DDAH1: variants seen among roughly 807,000 people sequenced by gnomAD.
The protein encoded by DDAH1 is dimethylarginine dimethylaminohydrolase 1, also known as N(G),N(G)-dimethylarginine dimethylaminohydrolase 1.
A neutral mutation model predicts 28.8 loss-of-function variants in DDAH1; 19 were observed. The observed-to-expected ratio is 0.66, with a 90% CI of 0.46 to 0.97. DDAH1 has a LOEUF of 0.97. Among genes scored for constraint, DDAH1 ranks in the 50% least tolerant of loss-of-function variants. The pLI is 0.00. For missense variants in DDAH1, 326 were observed against 375.9 expected (o/e 0.87, Z 1.10); for synonymous variants, 153 against 154.4 (o/e 0.99, Z 0.07).
chr1:85,391,784 T>C (rs141371369), intron 1 of DDAH1, among the ~76,000 whole-genome samples: 1 of 152,280 alleles, frequency 6.6e-6, no homozygotes, highest in East Asian at 1.9e-4. Flanking sequence ...AAAAACAGTT[T>C]CCAAAAAACT....
chr1:85,480,770 T>A (rs996534402), intron 2 of DDAH1, among the ~76,000 whole-genome samples: 3 of 151,800 alleles, frequency 2.0e-5, no homozygotes, highest in East Asian at 1.9e-4. Flanking sequence ...ATTAATTAAT[T>A]AATAATTAAA....
intron 2 of DDAH1, among the ~76,000 whole-genome samples, chr1:85,487,365 T>C (rs1263788107): frequency 2.6e-5 from 4 of 152,220 alleles, no homozygotes; most frequent in Non-Finnish European, 5.9e-5. Flanking sequence ...TTGCCTACAC[T>C]GTCATGGGAG....
intron 1 of DDAH1, among the ~76,000 whole-genome samples, chr1:85,450,494 A>T (rs956724995): frequency 6.6e-6 from 1 of 152,180 alleles, no homozygotes. Flanking sequence ...GGTCAAATCT[A>T]GTCAATCCGA....
intron 2 of DDAH1, among the ~76,000 whole-genome samples, chr1:85,471,552 G>A (rs1048814920): frequency 3.9e-5 from 6 of 152,196 alleles, no homozygotes; most frequent in African/African-American, 1.4e-4. Flanking sequence ...AGGCTGAAAT[G>A]TGACAGCATA....
intron 4 of DDAH1, among the ~76,000 whole-genome samples, chr1:85,336,072 G>A (rs1231901996): frequency 6.6e-6 from 1 of 151,790 alleles, no homozygotes; most frequent in African/African-American, 2.4e-5. Context: ...TAATAGCTAG[G>A]GACTTCAACA....
chr1:85,355,625 A>G (rs1557513023), intron 2 of DDAH1, among the ~76,000 whole-genome samples: 1 of 152,156 alleles, frequency 6.6e-6, no homozygotes, highest in Non-Finnish European at 1.5e-5. Flanking sequence ...AGTTTACTCT[A>G]TCACCTGAAA....
rs373617010 is a variant in DDAH1 at position 85,351,588 on chromosome 1, G to A, written c.404-9C>T. On this transcript the variant is annotated splice_polypyrimidine_tract_variant and intron_variant, in intron 2 of 5. Transcript: ENST00000284031. ...CACAAAAAATTCTCTGCCTGTAATA[G>A]ATGTCATGGAACATAGTGAGCAGGT... is the stretch of plus-strand genomic sequence containing the variant. The A allele has an allele frequency of 1.7e-5, 28 of 1,610,978 alleles. No homozygotes were observed. In the African/African-American group the frequency reaches 3.3e-4, roughly 19 times the overall value.
rs114799457 is a variant in DDAH1, at chr1:85,473,566, A to G, written c.-7+22600T>C. ...TGAAATGAAGTTGCTTCATTTTCTT[A>G]CGAAGCACAGAGAAATGCCAGTTTC... On this transcript the variant is annotated intron_variant, in intron 2 of 6. Transcript: ENST00000426972. Among the ~76,000 whole-genome samples, 840 of 151,806 alleles carry G rather than the reference A, an allele frequency of 5.5e-3. 6 individuals carry two copies. Among genetic ancestry groups the G allele is most frequent in the African/African-American group, 0.019 (807 of 41,500 alleles).
At chr1:85,323,578 A>G (rs560650146) in intron 5 of DDAH1, among the ~76,000 whole-genome samples, 1 of 152,278 alleles carries the variant, frequency 6.6e-6, no homozygotes, top group Admixed American at 6.5e-5. Flanking sequence ...TACCTGCTCT[A>G]TCTTTTCAAT....
At chr1:85,372,675 A>G (rs1461571336) in intron 1 of DDAH1, among the ~76,000 whole-genome samples, 1 of 152,188 alleles carries the variant, frequency 6.6e-6, no homozygotes, top group Non-Finnish European at 1.5e-5. Context: ...AATAACCATT[A>G]GGAATATAAC....
At chr1:85,403,406 T>G (rs1371027252) in intron 1 of DDAH1, among the ~76,000 whole-genome samples, 3 of 152,146 alleles carry the variant, frequency 2.0e-5, no homozygotes, top group Non-Finnish European at 2.9e-5. Flanking sequence ...ACTTGAAGGC[T>G]TGTTTCTGTA....
intron 1 of DDAH1, among the ~76,000 whole-genome samples, chr1:85,369,044 C>G (rs1650227962): frequency 6.7e-6 from 1 of 149,506 alleles, no homozygotes; most frequent in South Asian, 2.1e-4. Context: ...TCCCATGGCT[C>G]CCAGGGGATT....
chr1:85,378,187 T>G (rs1650784436), intron 1 of DDAH1, among the ~76,000 whole-genome samples: 1 of 152,194 alleles, frequency 6.6e-6, no homozygotes, highest in Non-Finnish European at 1.5e-5. Context: ...ATAGAGCAGG[T>G]GTAAGCTATT....
chr1:85,457,833 G>A (rs1420267264), intron 1 of DDAH1, among the ~76,000 whole-genome samples: 1 of 152,126 alleles, frequency 6.6e-6, no homozygotes, highest in Non-Finnish European at 1.5e-5. Flanking sequence ...GGGACTACAG[G>A]CGCCTGCCAG....
At chr1:85,444,026 T>A (rs986857878) in intron 1 of DDAH1, among the ~76,000 whole-genome samples, 1 of 152,234 alleles carries the variant, frequency 6.6e-6, no homozygotes, top group East Asian at 1.9e-4. Flanking sequence ...TGCCTGATTG[T>A]CCTGGCCAGA....
At chr1:85,370,037 G>A (rs1214493953) in intron 1 of DDAH1, among the ~76,000 whole-genome samples, 3 of 152,200 alleles carry the variant, frequency 2.0e-5, no homozygotes, top group Non-Finnish European at 4.4e-5. Flanking sequence ...TGGGCTATGT[G>A]TCTCCTCAAG....
chr1:85,396,046 A>T (rs1384030863), intron 1 of DDAH1, among the ~76,000 whole-genome samples: 1 of 152,164 alleles, frequency 6.6e-6, no homozygotes, highest in East Asian at 1.9e-4. Flanking sequence ...ATAAGAGTTA[A>T]GATTTTCTAC....
At chr1:85,398,341 T>C (rs1232563708) in intron 1 of DDAH1, 1 of 152,224 alleles carries the variant, frequency 6.6e-6, no homozygotes, top group East Asian at 1.9e-4. Context: ...AAATTAGTCT[T>C]ACTCTGATTA....
At chr1:85,393,065 C>A (rs1004119657) in intron 1 of DDAH1, among the ~76,000 whole-genome samples, 1 of 152,158 alleles carries the variant, frequency 6.6e-6, no homozygotes, top group East Asian at 1.9e-4. Context: ...TGCTCTATAA[C>A]AATAATTCAG....
Sources: allele counts gnomAD v4.1 joint callset (sites outside exome capture counted in the v4.1 genomes callset), GRCh38; gene constraint gnomAD v4.1.1; transcripts MANE v1.5; gene names NCBI Gene and HGNC (gene_info 2026-07-23, HGNC 2026-07-21).